CA10: variants seen among roughly 807,000 people sequenced by gnomAD.
The protein encoded by CA10 is carbonic anhydrase-related protein 10.
A neutral mutation model predicts 44.2 loss-of-function variants in CA10; 14 were observed. The ratio of observed to expected loss-of-function variants is 0.32; its 90% CI spans 0.21 to 0.50. The LOEUF (loss-of-function observed/expected upper bound fraction) is 0.50. Among genes scored for constraint, CA10 ranks in the 20% least tolerant of loss-of-function variants. The pLI, the probability that CA10 is intolerant of heterozygous loss-of-function variation, is 0.99. For missense variants in CA10, 350 were observed against 409.7 expected (o/e 0.85, Z 1.26); for synonymous variants, 159 against 141.6 (o/e 1.12, Z -0.87).
chr17:51,644,235 T>G (rs1255488356), intron 6 of CA10, among the ~76,000 whole-genome samples: 2 of 152,006 alleles, frequency 1.3e-5, no homozygotes, highest in Non-Finnish European at 2.9e-5. Context: ...AAATGGACTG[T>G]GTCTCTTCCA....
At chr17:51,869,274 C>A (rs1979699781) in intron 3 of CA10, among the ~76,000 whole-genome samples, 1 of 152,132 alleles carries the variant, frequency 6.6e-6, no homozygotes, top group African/African-American at 2.4e-5. Flanking sequence ...TAAACCATTT[C>A]AAATGGACCA....
chr17:51,988,311 G>A (rs1356708305), intron 2 of CA10, among the ~76,000 whole-genome samples: 1 of 151,980 alleles, frequency 6.6e-6, no homozygotes, highest in African/African-American at 2.4e-5. Flanking sequence ...TGGTGGGGAA[G>A]ATGAAGAGAA....
intron 3 of CA10, among the ~76,000 whole-genome samples, chr17:51,795,840 G>A (rs761122767): frequency 4.0e-4 from 61 of 152,228 alleles, no homozygotes; most frequent in Admixed American, 1.6e-3. Flanking sequence ...ATAGGTGTGA[G>A]TGTCCACATA....
At chr17:51,831,722 A>AGCCGCCGCC (rs1173587707) in intron 3 of CA10, among the ~76,000 whole-genome samples, 1 of 145,702 alleles carries the variant, frequency 6.9e-6, no homozygotes, top group African/African-American at 2.6e-5. Flanking sequence ...CAGCAGCAGC[A>AGCCGCCGCC]GCAGCAGCAG....
At chr17:52,150,765 C>T (rs79043491) in intron 1 of CA10, among the ~76,000 whole-genome samples, 84 of 152,182 alleles carry the variant, frequency 5.5e-4, no homozygotes, top group African/African-American at 1.9e-3. Context: ...CTTCATGACA[C>T]CAATGCATGT....
chr17:51,944,737 G>A (rs956355652), intron 2 of CA10, among the ~76,000 whole-genome samples: 2 of 152,036 alleles, frequency 1.3e-5, no homozygotes, highest in African/African-American at 4.8e-5. Context: ...TGAAATTACA[G>A]GTGAATATTA....
chr17:52,067,308 G>T (rs1052283820), intron 2 of CA10, among the ~76,000 whole-genome samples: 1 of 152,200 alleles, frequency 6.6e-6, no homozygotes, highest in African/African-American at 2.4e-5. Context: ...TGCTTCAAAG[G>T]GTGCAAGCCC....
In CA10 at chr17:52,158,446, C is replaced by CTACACTTA; in HGVS notation, c.-661_-660insTAAGTGTA. The CTACACTTA allele has an allele frequency of 6.4e-6, 1 of 157,078 alleles. No homozygotes were observed. The highest frequency in any genetic ancestry group is 6.4e-5 in the Admixed American group (1 of 15,548). 9.7% of individuals were successfully genotyped at this position (157,078 alleles called of 1,614,324 possible). ...AGAGGCAGGGATTATTGCCCGAAACCGCCAGCCGCCGGCAGCCTCCGCCGA... is the reference window on the plus strand; with the variant it reads ...AGAGGCAGGGATTATTGCCCGAAACCTACACTTAGCCAGCCGCCGGCAGCCTCCGCCGA... On this transcript the variant is annotated 5_prime_UTR_variant, in exon 1 of 9. Coordinates refer to ENST00000451037, the MANE Select transcript of CA10 (RefSeq NM_020178.5).
chr17:51,935,523 T>C (rs1194898502), intron 2 of CA10, among the ~76,000 whole-genome samples: 3 of 152,202 alleles, frequency 2.0e-5, no homozygotes, highest in African/African-American at 7.2e-5. Flanking sequence ...CAGACCCAAA[T>C]ATTTTTGCAA....
chr17:51,990,896 G>A (rs1480946551), intron 2 of CA10, among the ~76,000 whole-genome samples: 1 of 152,024 alleles, frequency 6.6e-6, no homozygotes, highest in Non-Finnish European at 1.5e-5. Flanking sequence ...TATCATAGAT[G>A]GCCCCAGTCT....
chr17:51,913,828 G>A (rs983382378), intron 3 of CA10, among the ~76,000 whole-genome samples: 3 of 152,232 alleles, frequency 2.0e-5, no homozygotes, highest in East Asian at 1.9e-4. Flanking sequence ...TTGTTGGTGT[G>A]ACTTGGGAAC....
At chr17:51,935,823 G>A (rs924454952) in intron 2 of CA10, among the ~76,000 whole-genome samples, 6 of 152,218 alleles carry the variant, frequency 3.9e-5, no homozygotes, top group African/African-American at 1.4e-4. Flanking sequence ...CCTTGGCAAC[G>A]TCTGGACAAA....
At chr17:51,991,001 A>C (rs1985019599) in intron 2 of CA10, among the ~76,000 whole-genome samples, 1 of 152,124 alleles carries the variant, frequency 6.6e-6, no homozygotes, top group South Asian at 2.1e-4. Flanking sequence ...TACCCTCACC[A>C]CTTAAGGGCT....
chr17:52,147,553 A>T (rs2143401733), intron 1 of CA10, among the ~76,000 whole-genome samples: 1 of 152,258 alleles, frequency 6.6e-6, no homozygotes, highest in Non-Finnish European at 1.5e-5. Flanking sequence ...CTCTCATTCA[A>T]CCAATAAAAC....
intron 2 of CA10, among the ~76,000 whole-genome samples, chr17:51,961,188 A>AACACACACACACACAC (rs71149387): frequency 4.1e-5 from 6 of 145,004 alleles, no homozygotes; most frequent in Admixed American, 3.4e-4. Context: ...TGTACACACA[A>AACACACACACACACAC]ACACACACAC....
chr17:52,000,928 G>A (rs990751963), intron 2 of CA10, among the ~76,000 whole-genome samples: 2 of 151,594 alleles, frequency 1.3e-5, no homozygotes, highest in African/African-American at 2.4e-5. Flanking sequence ...TGGGTATAGT[G>A]TTCTAAGCCT....
At chr17:51,967,425 C>T (rs186552564) in intron 2 of CA10, among the ~76,000 whole-genome samples, 11 of 151,616 alleles carry the variant, frequency 7.3e-5, no homozygotes, top group East Asian at 5.8e-4. Flanking sequence ...ACAGCAAAGA[C>T]GTGAAATCAA....
intron 2 of CA10, among the ~76,000 whole-genome samples, chr17:51,956,542 C>T (rs543309534): frequency 8.7e-4 from 133 of 152,172 alleles, no homozygotes; most frequent in Admixed American, 2.4e-3. Flanking sequence ...ATTTTAGCTT[C>T]TCATTTGTTT....
chr17:52,002,049 A>G (rs1055867511), intron 2 of CA10, among the ~76,000 whole-genome samples: 11 of 151,894 alleles, frequency 7.2e-5, no homozygotes, highest in African/African-American at 2.7e-4. Context: ...CCTGGTTTTA[A>G]CAAAAATATG....
Sources: gnomAD v4.1 joint callset for allele counts (sites outside exome capture counted in the v4.1 genomes callset) on GRCh38, gnomAD v4.1.1 for gene constraint, MANE v1.5 for transcripts, NCBI Gene and HGNC (gene_info 2026-07-23, HGNC 2026-07-21) for gene names.